The following LEPR variants were observed in gnomAD, a reference collection of about 807,000 sequenced individuals.
LEPR encodes the protein leptin receptor.
LEPR carries 56 observed loss-of-function variants against 114.7 expected under a neutral mutation model. The observed-to-expected ratio is 0.49, with a 90% CI of 0.39 to 0.61. The LOEUF (loss-of-function observed/expected upper bound fraction) is 0.61. Among genes scored for constraint, LEPR ranks in the 20% least tolerant of loss-of-function variants. The pLI is 0.00. For synonymous variants in LEPR, 443 were observed against 461.4 expected (o/e 0.96, Z 0.51); for missense variants, 1,202 against 1,352.9 (o/e 0.89, Z 1.75).
In LEPR at chr1:65,595,206, G is replaced by A. The variant is rs149745250; in HGVS notation, c.704-1242G>A. Among the ~76,000 whole-genome samples, 234 of 152,134 alleles carry A rather than the reference G, an allele frequency of 1.5e-3. 1 individual carries two copies. Among genetic ancestry groups the A allele is most frequent in the African/African-American group, 5.1e-3 (211 of 41,518 alleles). ...CATTAGCTCATTGGTGGAGACAGCC[G>A]TAGTTAGGCAAGTGTCTCTGTGCAA... is the stretch of plus-strand genomic sequence containing the variant. On this transcript the variant is annotated intron_variant, in intron 6 of 19. Transcript: ENST00000349533.
chr1:65,623,588 T>A (rs1225079287), intron 19 of LEPR, among the ~76,000 whole-genome samples: 3 of 152,168 alleles, frequency 2.0e-5, no homozygotes, highest in Admixed American at 2.0e-4. Context: ...TCTCATAATG[T>A]CCCTTGAAGC....
rs1658744421 is a variant in LEPR, at chr1:65,637,093, G to C, written c.*78G>C. On this transcript the variant is annotated 3_prime_UTR_variant, in exon 20 of 20. Transcript: ENST00000349533. ...ATAGATTATAGTTGTGGGTGGGAGA[G>C]AGAAAAGAAACCAGAGTCAAATTTG... 6.2e-6 allele frequency: 9 copies of C among 1,452,252 alleles called. No homozygotes were observed. Among genetic ancestry groups the C allele is most frequent in the Non-Finnish European group, 8.5e-6 (9 of 1,061,546 alleles). 90.0% of individuals were successfully genotyped at this position (1,452,252 alleles called of 1,614,324 possible). A position where few individuals can be genotyped will look rare whatever the true frequency, so the allele number is the denominator to read the frequency against.
chr1:65,485,133 C>T (rs1647420454), intron 2 of LEPR, among the ~76,000 whole-genome samples: 1 of 152,140 alleles, frequency 6.6e-6, no homozygotes, highest in African/African-American at 2.4e-5. Context: ...ATGCCACTCA[C>T]TGTTTGACAT....
intron 2 of LEPR, among the ~76,000 whole-genome samples, chr1:65,550,915 A>T (rs955387870): frequency 9.2e-5 from 14 of 151,854 alleles, no homozygotes; most frequent in Non-Finnish European, 2.9e-5. Context: ...TGCGTGGCTC[A>T]CACTGGGAGC....
At chr1:65,574,997 T>TG (rs983899534) in intron 5 of LEPR, among the ~76,000 whole-genome samples, 2 of 152,002 alleles carry the variant, frequency 1.3e-5, no homozygotes, top group African/African-American at 2.4e-5. Flanking sequence ...ATTCAGTTGA[T>TG]GGGGGGACAC....
chr1:65,512,411 A>G (rs958571010), intron 2 of LEPR, among the ~76,000 whole-genome samples: 10 of 152,178 alleles, frequency 6.6e-5, no homozygotes, highest in African/African-American at 2.4e-4. Context: ...CTCAGATCTG[A>G]AGCAGCCTCA....
chr1:65,420,889 C>T, intron 1 of LEPR, 149 bp downstream of exon 1: 2 of 1,045,516 alleles, frequency 1.9e-6, no homozygotes, highest in Non-Finnish European at 2.8e-6. Context: ...CGACCGCTCC[C>T]TTCGTCCCTT....
intron 2 of LEPR, among the ~76,000 whole-genome samples, chr1:65,554,895 C>T (rs1408324321): frequency 6.6e-6 from 1 of 152,160 alleles, no homozygotes; most frequent in African/African-American, 2.4e-5. Flanking sequence ...ATGGGAAAAG[C>T]ATAATATCTG....
chr1:65,618,956 G>A (rs952929811), intron 16 of LEPR, among the ~76,000 whole-genome samples: 1 of 152,128 alleles, frequency 6.6e-6, no homozygotes, highest in African/African-American at 2.4e-5. Context: ...TGAGGAGCTA[G>A]GACTGGGTGA....
Position 65,548,437 on chromosome 1 carries a change from G to C in LEPR, c.-20-17109G>C, listed in dbSNP as rs558318694. ...AAAGTCTCCCATTATTATTGTGTGG[G>C]AGTCTAAGTCTCTTTGTAGGTCACT... is the stretch of plus-strand genomic sequence containing the variant. On this transcript the variant is annotated intron_variant, in intron 2 of 19. Coordinates refer to ENST00000349533, the MANE Select transcript of LEPR (RefSeq NM_002303.6). Among the ~76,000 whole-genome samples, 449 of 152,142 alleles carry C rather than the reference G, an allele frequency of 3.0e-3. 3 individuals are homozygous for C. Among genetic ancestry groups the C allele is most frequent in the African/African-American group, 0.01 (435 of 41,480 alleles).
chr1:65,571,845 C>T (rs912818491), intron 4 of LEPR, among the ~76,000 whole-genome samples: 2 of 145,444 alleles, frequency 1.4e-5, no homozygotes, highest in Admixed American at 1.4e-4. Context: ...TGGTGCATGC[C>T]TCTAGTCCCA....
At chr1:65,557,942 G>A (rs1202896232) in intron 2 of LEPR, among the ~76,000 whole-genome samples, 3 of 152,082 alleles carry the variant, frequency 2.0e-5, no homozygotes, top group Non-Finnish European at 2.9e-5. Context: ...TGTTTTGCAT[G>A]GAACATTAAA....
intron 2 of LEPR, among the ~76,000 whole-genome samples, chr1:65,471,347 A>C (rs1201754734): frequency 6.6e-6 from 1 of 152,240 alleles, no homozygotes; most frequent in Non-Finnish European, 1.5e-5. Context: ...TGGAAAAAAC[A>C]AAAGGCAAAT....
chr1:65,499,188 C>A (rs1648314650), intron 2 of LEPR, among the ~76,000 whole-genome samples: 1 of 151,978 alleles, frequency 6.6e-6, no homozygotes, highest in Admixed American at 6.6e-5. Flanking sequence ...CTATTAAATG[C>A]TTATAAGAGT....
At chr1:65,491,956 T>A (rs182310253) in intron 2 of LEPR, among the ~76,000 whole-genome samples, 95 of 152,248 alleles carry the variant, frequency 6.2e-4, no homozygotes, top group Admixed American at 5.7e-3. Flanking sequence ...AGCATCCAAG[T>A]TGCTTAGAAT....
intron 2 of LEPR, among the ~76,000 whole-genome samples, chr1:65,496,097 A>G (rs11800909): frequency 0.1 from 15,890 of 152,196 alleles, 909 homozygotes; most frequent in South Asian, 0.2. Flanking sequence ...GATGATGGAT[A>G]TCACAATTAC....
intron 10 of LEPR, among the ~76,000 whole-genome samples, chr1:65,603,351 T>TCACACACACACA (rs35530125): frequency 1.3e-5 from 2 of 149,790 alleles, no homozygotes; most frequent in African/African-American, 4.9e-5. Context: ...CACCATTTAT[T>TCACACACACACA]CACACACACA....
intron 5 of LEPR, among the ~76,000 whole-genome samples, chr1:65,582,420 G>A (rs1224386066): frequency 2.0e-5 from 3 of 152,152 alleles, no homozygotes; most frequent in African/African-American, 7.2e-5. Flanking sequence ...TGGACTGAGG[G>A]CCTCAGTTCC....
chr1:65,622,995 T>A lies in LEPR; in HGVS notation c.2673+14T>A, dbSNP rs1276664323. ...AATTTTCAGAAGGTTGCTTTTTCAA[T>A]TTTTTTTAACCCAGAATATATACGA... On this transcript the variant is annotated intron_variant, in intron 19 of 19. Transcript: ENST00000349533. The A allele has an allele frequency of 6.2e-7, 1 of 1,605,772 alleles. No individual in the cohort carries two copies.
Sources: gnomAD v4.1 joint callset for allele counts (sites outside exome capture counted in the v4.1 genomes callset) on GRCh38, gnomAD v4.1.1 for gene constraint, MANE v1.5 for transcripts, NCBI Gene and HGNC (gene_info 2026-07-23, HGNC 2026-07-21) for gene names.